Variants in MCTP1 observed in about 807,000 individuals in gnomAD.
MCTP1 encodes multiple C2 and transmembrane domain-containing protein 1.
In MCTP1, 69 loss-of-function variants were observed where a neutral mutation model predicts 120.6. The ratio of observed to expected loss-of-function variants is 0.57; its 90% CI spans 0.47 to 0.70. MCTP1 has a LOEUF of 0.70. MCTP1 is among the 30% of genes least tolerant of loss of function. The pLI is 0.00. For missense variants in MCTP1, 1,203 were observed against 1,248.8 expected (o/e 0.96, Z 0.55); for synonymous variants, 529 against 493.1 (o/e 1.07, Z -0.96).
intron 1 of MCTP1, among the ~76,000 whole-genome samples, chr5:95,019,682 T>G (rs1837820182): frequency 6.6e-6 from 1 of 152,092 alleles, no homozygotes; most frequent in Non-Finnish European, 1.5e-5. Flanking sequence ...TTCCACACCT[T>G]AGTCAGTCTA....
intron 17 of MCTP1, chr5:94,826,081 G>A: frequency 3.3e-6 from 1 of 307,012 alleles, no homozygotes; most frequent in Non-Finnish European, 6.3e-6. Context: ...ATCACAGGAA[G>A]TTATTTGCTT....
At chr5:94,888,736 C>A (rs369576642) in intron 12 of MCTP1, 143 bp downstream of exon 12, 213 of 525,660 alleles carry the variant, frequency 4.1e-4, no homozygotes, top group African/African-American at 3.7e-3. Context: ...AGGGGGTTGG[C>A]AAATATTTCT....
chr5:94,746,395 G>A (rs776287647), intron 19 of MCTP1, among the ~76,000 whole-genome samples: 3 of 151,958 alleles, frequency 2.0e-5, no homozygotes, highest in Admixed American at 6.6e-5. Context: ...TCTTTTACAC[G>A]GTAAACCCCT....
intron 19 of MCTP1, among the ~76,000 whole-genome samples, chr5:94,763,270 A>T (rs1771759802): frequency 6.6e-6 from 1 of 152,148 alleles, no homozygotes; most frequent in South Asian, 2.1e-4. Context: ...CTCCTTTAAA[A>T]TTGTCTATGA....
At chr5:95,023,968 AT>A in intron 1 of MCTP1, 1 of 327,148 alleles carries the variant, frequency 3.1e-6, no homozygotes, top group Non-Finnish European at 6.0e-6. Flanking sequence ...CTGTGCAGTT[AT>A]TTTTAGTGCC....
intron 19 of MCTP1, among the ~76,000 whole-genome samples, chr5:94,752,108 A>AATATATATAT (rs146434254): frequency 0.011 from 861 of 75,554 alleles, 51 homozygotes; most frequent in Middle Eastern, 0.026. Flanking sequence ...TAAATAATAA[A>AATATATATAT]ATATATATAT....
intron 2 of MCTP1, among the ~76,000 whole-genome samples, chr5:94,983,641 ATCTG>A (rs34341526): frequency 0.7 from 105,594 of 150,728 alleles, 37,526 homozygotes; most frequent in Admixed American, 0.8. Context: ...TCCTATCTTT[ATCTG>A]TCTGTCTGTC....
At chr5:94,905,810 G>A (rs1806724158) in intron 10 of MCTP1, among the ~76,000 whole-genome samples, 1 of 152,184 alleles carries the variant, frequency 6.6e-6, no homozygotes, top group Non-Finnish European at 1.5e-5. Flanking sequence ...AAGAGTTATG[G>A]AGTGGAGCTG....
intron 1 of MCTP1, among the ~76,000 whole-genome samples, chr5:95,244,234 A>G (rs951389275): frequency 1.3e-5 from 2 of 152,202 alleles, no homozygotes; most frequent in Admixed American, 1.3e-4. Flanking sequence ...GTACATCTGT[A>G]TATCGGTCTA....
At chr5:94,726,842 A>G (rs142302833) in intron 19 of MCTP1, among the ~76,000 whole-genome samples, 2 of 152,298 alleles carry the variant, frequency 1.3e-5, no homozygotes, top group Non-Finnish European at 2.9e-5. Flanking sequence ...GTCGAGTCCC[A>G]TATGGTATTT....
intron 1 of MCTP1, among the ~76,000 whole-genome samples, chr5:95,201,140 C>T (rs1175419077): frequency 6.6e-6 from 1 of 152,176 alleles, no homozygotes; most frequent in African/African-American, 2.4e-5. Flanking sequence ...ATCTTTTGCA[C>T]ACCAAACTTT....
At chr5:94,718,750 G>A (rs531934459) in intron 19 of MCTP1, among the ~76,000 whole-genome samples, 25 of 152,170 alleles carry the variant, frequency 1.6e-4, no homozygotes, top group Middle Eastern at 6.8e-3. Flanking sequence ...ATGAAGTTTC[G>A]CTCTTATTGC....
intron 12 of MCTP1, among the ~76,000 whole-genome samples, chr5:94,875,852 GC>G (rs1798761579): frequency 6.6e-6 from 1 of 151,748 alleles, no homozygotes; most frequent in Non-Finnish European, 1.5e-5. Flanking sequence ...GAGAAAGCAG[GC>G]AATTTTATGT....
At chr5:95,256,067 A>T (rs1757856417) in intron 1 of MCTP1, among the ~76,000 whole-genome samples, 1 of 152,208 alleles carries the variant, frequency 6.6e-6, no homozygotes, top group Non-Finnish European at 1.5e-5. Flanking sequence ...TGCCATGTGG[A>T]ATTTAAACGG....
chr5:94,982,607 CA>C (rs1262573963), intron 2 of MCTP1, among the ~76,000 whole-genome samples: 4 of 151,918 alleles, frequency 2.6e-5, no homozygotes, highest in Non-Finnish European at 5.9e-5. Context: ...TTGAGTTCAT[CA>C]AAAGAAAGAT....
At chr5:95,056,983 A>C (rs148113617) in intron 1 of MCTP1, among the ~76,000 whole-genome samples, 65 of 152,312 alleles carry the variant, frequency 4.3e-4, no homozygotes, top group African/African-American at 1.5e-3. Flanking sequence ...TATATAAATA[A>C]AAATACACTA....
chr5:94,747,013 A>C (rs954849087), intron 19 of MCTP1, among the ~76,000 whole-genome samples: 2 of 152,284 alleles, frequency 1.3e-5, no homozygotes, highest in Admixed American at 6.5e-5. Context: ...AGTCTAGCTC[A>C]AGTATCAGGT....
At chr5:95,259,113 A>G (rs1758206018) in intron 1 of MCTP1, among the ~76,000 whole-genome samples, 1 of 152,222 alleles carries the variant, frequency 6.6e-6, no homozygotes, top group African/African-American at 2.4e-5. Flanking sequence ...CTGGGTAGCC[A>G]CTACAGCAGA....
intron 1 of MCTP1, among the ~76,000 whole-genome samples, chr5:95,261,313 T>A (rs930477922): frequency 3.9e-5 from 6 of 152,176 alleles, no homozygotes; most frequent in Admixed American, 1.3e-4. Flanking sequence ...ATATGAATAG[T>A]ATGCAGTGGG....
Sources: gnomAD v4.1 joint callset for allele counts (sites outside exome capture counted in the v4.1 genomes callset) on GRCh38, gnomAD v4.1.1 for gene constraint, MANE v1.5 for transcripts, NCBI Gene and HGNC (gene_info 2026-07-23, HGNC 2026-07-21) for gene names.